The following PPCDC variants were observed in gnomAD, a reference collection of about 807,000 sequenced individuals.
PPCDC encodes the protein phosphopantothenoylcysteine decarboxylase.
Under a neutral mutation model 20.7 loss-of-function variants are expected in PPCDC, and 20 were observed. The observed-to-expected ratio is 0.97, with a 90% CI of 0.68 to 1.41. The LOEUF is 1.41. Ranked by LOEUF, PPCDC falls within the 40% of genes most tolerant of loss-of-function variation. The pLI, the probability that PPCDC is intolerant of heterozygous loss-of-function variation, is 0.00. For synonymous variants in PPCDC, 88 were observed against 100.3 expected (o/e 0.88, Z 0.73); for missense variants, 246 against 263.8 (o/e 0.93, Z 0.47).
chr15:75,040,671 T>C (rs2066142079), intron 2 of PPCDC, among the ~76,000 whole-genome samples: 1 of 152,104 alleles, frequency 6.6e-6, no homozygotes, highest in African/African-American at 2.4e-5. Flanking sequence ...TTTTTTTATT[T>C]TTTTTGGAGT....
At chr15:75,043,833 T>G in intron 3 of PPCDC, 1 of 367,300 alleles carries the variant, frequency 2.7e-6, no homozygotes, top group Non-Finnish European at 5.0e-6. Context: ...CCACCACCCT[T>G]GTCCACGTGG....
intron 1 of PPCDC, among the ~76,000 whole-genome samples, chr15:75,025,179 G>A (rs1216726172): frequency 6.6e-6 from 1 of 152,176 alleles, no homozygotes; most frequent in East Asian, 1.9e-4. Context: ...CTCTTAAATT[G>A]CTGGGATTAC....
chr15:75,026,241 G>A (rs1850391064), intron 1 of PPCDC, among the ~76,000 whole-genome samples: 1 of 152,144 alleles, frequency 6.6e-6, no homozygotes, highest in African/African-American at 2.4e-5. Context: ...CAGGGTTTGC[G>A]ATCTGGCAGG....
At position 75,046,230 on chromosome 15, in the gene PPCDC, G is replaced by A. The variant is rs184953632; in HGVS notation, c.360+1716G>A. Reference sequence around the variant, plus strand: ...GACTCTGTCTCAAAAAAACAAAAAGGCTTCCCAGCAGCACTGGTGCCACAA... The same window carrying A: ...GACTCTGTCTCAAAAAAACAAAAAGACTTCCCAGCAGCACTGGTGCCACAA... On this transcript the variant is annotated intron_variant, in intron 4 of 5. Coordinates refer to ENST00000342932, the MANE Select transcript of PPCDC (RefSeq NM_021823.5). 3.3e-5 allele frequency among the ~76,000 whole-genome samples: 5 copies of A among 152,132 alleles called. No individual in the cohort carries two copies. The East Asian group carries it at 5.8e-4, about 18-fold the overall frequency.
In PPCDC at chr15:75,043,251, G is replaced by T; in HGVS notation, c.136-190G>T. ...AAGTGAAACAGCCACACCTGATAGG[G>T]CCTGACCTTTGGGTGACAGCAGAAG... On this transcript the variant is annotated intron_variant, in intron 2 of 5. Coordinates refer to ENST00000342932, the MANE Select transcript of PPCDC (RefSeq NM_021823.5). 2.3e-5 allele frequency: 13 copies of T among 566,558 alleles called. No homozygotes were observed. The South Asian group carries it at 2.9e-4, about 13-fold the overall frequency. The allele number at this position is 566,558 out of a possible 1,614,324, so 35.1% of individuals were successfully genotyped here.
intron 4 of PPCDC, among the ~76,000 whole-genome samples, chr15:75,045,862 C>T (rs930014788): frequency 1.3e-5 from 2 of 150,214 alleles, no homozygotes; most frequent in African/African-American, 4.9e-5. Context: ...GCCAGAATAG[C>T]CAGTGCGCTC....
chr15:75,033,051 C>T (rs920854288), intron 2 of PPCDC, among the ~76,000 whole-genome samples: 3 of 152,148 alleles, frequency 2.0e-5, no homozygotes, highest in African/African-American at 7.2e-5. Context: ...GATCTGTCTG[C>T]CTCCACCTCC....
At chr15:75,033,474 C>A (rs931889626) in intron 2 of PPCDC, among the ~76,000 whole-genome samples, 2 of 151,972 alleles carry the variant, frequency 1.3e-5, no homozygotes, top group Non-Finnish European at 2.9e-5. Context: ...TCATTCTGTT[C>A]AGTTTTAATT....
intron 1 of PPCDC, among the ~76,000 whole-genome samples, chr15:75,027,609 C>T (rs374062165): frequency 6.6e-6 from 1 of 152,326 alleles, no homozygotes; most frequent in Admixed American, 6.5e-5. Flanking sequence ...TCCCTTCCTG[C>T]CGCTTCCTTT....
chr15:75,047,407 G>A (rs2066250377), intron 4 of PPCDC, among the ~76,000 whole-genome samples: 1 of 152,218 alleles, frequency 6.6e-6, no homozygotes, highest in African/African-American at 2.4e-5. Context: ...TGGGACTTGG[G>A]GGAGGTGCTG....
chr15:75,028,309 C>T lies in PPCDC; in HGVS notation c.-10C>T. On this transcript the variant is annotated 5_prime_UTR_variant, in exon 2 of 6. Coordinates refer to ENST00000342932, the MANE Select transcript of PPCDC (RefSeq NM_021823.5). ...GCAGGCTCCCAGAACTTGAAGCCAC[C>T]AGACCCCACATGGAACCAAAGGCCT... 2 of 1,613,572 alleles carry T rather than the reference C, an allele frequency of 1.2e-6. No individual in the cohort carries two copies. The highest frequency in any genetic ancestry group is 2.2e-5 in the South Asian group (2 of 91,056).
At chr15:75,049,042 C>T in intron 5 of PPCDC, 108 bp from the exon 6 acceptor site, 3 of 1,069,464 alleles carry the variant, frequency 2.8e-6, no homozygotes, top group South Asian at 1.4e-5. Flanking sequence ...ACAGACCTTG[C>T]CCTCTCAGGC....
intron 2 of PPCDC, among the ~76,000 whole-genome samples, chr15:75,041,736 A>G (rs746188963): frequency 4.6e-5 from 7 of 152,226 alleles, no homozygotes; most frequent in African/African-American, 1.4e-4. Context: ...GGACAAGTCA[A>G]TAGAACTCAG....
chr15:75,035,856 A>G (rs944264315), intron 2 of PPCDC, among the ~76,000 whole-genome samples: 2 of 150,140 alleles, frequency 1.3e-5, no homozygotes, highest in African/African-American at 4.9e-5. Flanking sequence ...AATCCCAGCT[A>G]CTCTGGAGGC....
intron 2 of PPCDC, among the ~76,000 whole-genome samples, chr15:75,035,309 G>T (rs945261495): frequency 6.6e-6 from 1 of 152,142 alleles, no homozygotes; most frequent in South Asian, 2.1e-4. Context: ...AGTGGGTAGA[G>T]GCCAGGAATG....
chr15:75,048,661 A>G lies in PPCDC; in HGVS notation c.469A>G (p.Lys157Glu). 6.2e-7 allele frequency: 1 copy of G among 1,613,802 alleles called. No individual in the cohort carries two copies. Among genetic ancestry groups the G allele is most frequent in the South Asian group, 1.1e-5 (1 of 91,082 alleles). ...CACAGCGCAGCAGGTAGACCAGCTCAAGGCCTTTGGCTATGTCGAGATCCC... is the reference window on the plus strand; with the variant it reads ...CACAGCGCAGCAGGTAGACCAGCTCGAGGCCTTTGGCTATGTCGAGATCCC... ...PITAQQVDQL[K>E]AFGYVEIPCV... is the part of the protein sequence containing the mutation. The change falls in exon 5 of 6, where the codon AAG (lysine) becomes GAG (glutamate). Residue 157 changes from lysine to glutamate, a missense_variant. Coordinates refer to ENST00000342932, the MANE Select transcript of PPCDC (RefSeq NM_021823.5).
intron 2 of PPCDC, among the ~76,000 whole-genome samples, chr15:75,034,151 C>A (rs1190766017): frequency 6.6e-6 from 1 of 152,154 alleles, no homozygotes; most frequent in Non-Finnish European, 1.5e-5. Flanking sequence ...GGAAGAGGGT[C>A]TCGCCCACGG....
At position 75,044,371 on chromosome 15, in the gene PPCDC, T is replaced by G. The variant is rs761784484; in HGVS notation, c.232-15T>G. ...TGCTTCCTCCACACTGACCCCTTTTTCTTCCCTCTGCCAGATATGGAAGAG... is the reference window on the plus strand; with the variant it reads ...TGCTTCCTCCACACTGACCCCTTTTGCTTCCCTCTGCCAGATATGGAAGAG... On this transcript the variant is annotated splice_polypyrimidine_tract_variant and intron_variant, in intron 3 of 5. Coordinates refer to ENST00000342932, the MANE Select transcript of PPCDC (RefSeq NM_021823.5). The G allele has an allele frequency of 4.3e-6, 7 of 1,612,682 alleles. No homozygotes were observed. The African/African-American group carries it at 8.0e-5, about 18-fold the overall frequency.
intron 2 of PPCDC, among the ~76,000 whole-genome samples, chr15:75,037,579 T>C (rs1204122561): frequency 6.6e-6 from 1 of 152,158 alleles, no homozygotes; most frequent in South Asian, 2.1e-4. Flanking sequence ...AAATCCTGTC[T>C]CTAGTAAAAA....
Sources: gnomAD v4.1 joint callset for allele counts (sites outside exome capture counted in the v4.1 genomes callset) on GRCh38, gnomAD v4.1.1 for gene constraint, MANE v1.5 for transcripts, NCBI Gene and HGNC (gene_info 2026-07-23, HGNC 2026-07-21) for gene names.